Variants in QTMAN observed in about 807,000 individuals in gnomAD.
QTMAN encodes tRNA-queuosine alpha-mannosyltransferase.
chr2:144,108,358 G>A, the QTMAN span, among the ~76,000 whole-genome samples: 68 of 152,010 alleles, frequency 4.5e-4, no homozygotes, highest in South Asian at 4.8e-3. Flanking sequence ...AGAAAACCCC[G>A]GCCAGGCACA....
At chr2:144,163,424 T>TTACC in the QTMAN span, among the ~76,000 whole-genome samples, 1 of 152,154 alleles carries the variant, frequency 6.6e-6, no homozygotes, top group Non-Finnish European at 1.5e-5. Flanking sequence ...ACATAGGCTT[T>TTACC]TACCTATTGA....
the QTMAN span, among the ~76,000 whole-genome samples, chr2:144,220,971 T>A: frequency 2.6e-5 from 4 of 152,202 alleles, no homozygotes; most frequent in African/African-American, 9.6e-5. Context: ...CACATCATAT[T>A]TTTTGGAGTA....
At chr2:144,054,898 G>A in the QTMAN span, among the ~76,000 whole-genome samples, 1 of 152,160 alleles carries the variant, frequency 6.6e-6, no homozygotes, top group African/African-American at 2.4e-5. Context: ...GATATCCACT[G>A]ATCAAACAGG....
the QTMAN span, among the ~76,000 whole-genome samples, chr2:144,327,236 C>T: frequency 6.6e-6 from 1 of 152,124 alleles, no homozygotes; most frequent in Non-Finnish European, 1.5e-5. Flanking sequence ...CACCCCTTCC[C>T]CCATACCCCA....
At chr2:144,291,723 A>T in the QTMAN span, among the ~76,000 whole-genome samples, 1 of 152,194 alleles carries the variant, frequency 6.6e-6, no homozygotes, top group South Asian at 2.1e-4. Context: ...TATTACCCGT[A>T]CTTAATGACC....
the QTMAN span, among the ~76,000 whole-genome samples, chr2:144,155,884 A>C: frequency 2.0e-5 from 3 of 152,122 alleles, no homozygotes; most frequent in African/African-American, 7.2e-5. Flanking sequence ...GTGACAACTA[A>C]GCTGTTCCTG....
chr2:144,168,186 T>G, the QTMAN span, among the ~76,000 whole-genome samples: 2 of 152,176 alleles, frequency 1.3e-5, no homozygotes, highest in African/African-American at 4.8e-5. Context: ...TGGGTAGAAC[T>G]CTGGGTTTCT....
At chr2:144,208,939 C>T in the QTMAN span, 1 of 512,466 alleles carries the variant, frequency 2.0e-6, no homozygotes, top group South Asian at 3.6e-5. Flanking sequence ...ATAGGCTTAT[C>T]CCATTATTTA....
chr2:144,018,497 T>C, the QTMAN span, among the ~76,000 whole-genome samples: 3 of 152,198 alleles, frequency 2.0e-5, no homozygotes, highest in African/African-American at 7.2e-5. Flanking sequence ...CCTGTAAGTA[T>C]ACAAAATGAG....
At chr2:144,056,728 A>C in the QTMAN span, among the ~76,000 whole-genome samples, 1 of 152,234 alleles carries the variant, frequency 6.6e-6, no homozygotes, top group Admixed American at 6.5e-5. Context: ...CACAAGAATA[A>C]GGAGAGTGAA....
the QTMAN span, among the ~76,000 whole-genome samples, chr2:144,272,751 G>A: frequency 6.6e-6 from 1 of 152,048 alleles, no homozygotes; most frequent in Non-Finnish European, 1.5e-5. Context: ...GCATGCGTGT[G>A]TGTATGTGTG....
the QTMAN span, among the ~76,000 whole-genome samples, chr2:143,992,296 C>T: frequency 7.4e-5 from 11 of 149,014 alleles, no homozygotes; most frequent in East Asian, 2.0e-3. Context: ...GGATTAAGGG[C>T]AGTGCAAGAT....
the QTMAN span, among the ~76,000 whole-genome samples, chr2:143,969,221 T>C: frequency 6.6e-6 from 1 of 152,186 alleles, no homozygotes; most frequent in Non-Finnish European, 1.5e-5. Flanking sequence ...ACTTAATCCT[T>C]CTTTTCTGGC....
At chr2:144,290,079 G>A in the QTMAN span, among the ~76,000 whole-genome samples, 1 of 151,584 alleles carries the variant, frequency 6.6e-6, no homozygotes, top group Admixed American at 6.6e-5. Flanking sequence ...CAATCCAGCT[G>A]TTTCTGTACC....
chr2:144,212,944 A>T, the QTMAN span, among the ~76,000 whole-genome samples: 1 of 152,186 alleles, frequency 6.6e-6, no homozygotes, highest in African/African-American at 2.4e-5. Context: ...TACCACTTCA[A>T]ATTCTATTTA....
At chr2:144,224,964 T>TATATACCAATAGCA in the QTMAN span, among the ~76,000 whole-genome samples, 1 of 152,134 alleles carries the variant, frequency 6.6e-6, no homozygotes, top group African/African-American at 2.4e-5. Context: ...GTTATACGAA[T>TATATACCAATAGCA]AGTTCAAGAA....
the QTMAN span, among the ~76,000 whole-genome samples, chr2:143,984,391 C>G: frequency 0.075 from 11,492 of 152,220 alleles, 793 homozygotes; most frequent in East Asian, 0.17. Context: ...CAGAGAAGGT[C>G]AGCAGATGGT....
At chr2:143,943,769 C>G in the QTMAN span, 1 of 152,146 alleles carries the variant, frequency 6.6e-6, no homozygotes, top group East Asian at 1.9e-4. Flanking sequence ...GGCATTTAAA[C>G]TTAACTGTAT....
chr2:144,307,374 A>T, the QTMAN span, among the ~76,000 whole-genome samples: 2 of 152,220 alleles, frequency 1.3e-5, no homozygotes, highest in African/African-American at 4.8e-5. Context: ...TAACAGTGAA[A>T]GTCTGAATGC....
Sources: allele counts gnomAD v4.1 joint callset (sites outside exome capture counted in the v4.1 genomes callset), GRCh38; gene constraint gnomAD v4.1.1; transcripts MANE v1.5; gene names NCBI Gene and HGNC (gene_info 2026-07-23, HGNC 2026-07-21).